The following DAP variants were observed in gnomAD, a reference collection of about 807,000 sequenced individuals.
DAP encodes death-associated protein 1.
In DAP, 8 loss-of-function variants were observed where a neutral mutation model predicts 13.8. The ratio of observed to expected loss-of-function variants is 0.58; its 90% confidence interval spans 0.34 to 1.05. The LOEUF is 1.05. Among genes scored for constraint, DAP ranks in the 50% least tolerant of loss-of-function variants. The pLI, the probability that DAP is intolerant of heterozygous loss-of-function variation, is 0.03. For missense variants in DAP, 106 were observed against 133.2 expected (o/e 0.80, Z 1.01); for synonymous variants, 47 against 47.5 (o/e 0.99, Z 0.04).
At chr5:10,723,024 C>T (rs1395685007) in intron 2 of DAP, among the ~76,000 whole-genome samples, 1 of 152,218 alleles carries the variant, frequency 6.6e-6, no homozygotes, top group East Asian at 1.9e-4. Context: ...TTAGAAGGGA[C>T]AGCCATCTTT....
intron 3 of DAP, chr5:10,683,017 AG>A (rs1203075773): frequency 1.6e-5 from 3 of 183,454 alleles, no homozygotes; most frequent in Admixed American, 6.3e-5. Context: ...TATTTTCCAG[AG>A]GGATCAATGG....
At chr5:10,741,994 T>C (rs1739767980) in intron 2 of DAP, among the ~76,000 whole-genome samples, 1 of 152,276 alleles carries the variant, frequency 6.6e-6, no homozygotes, top group Non-Finnish European at 1.5e-5. Flanking sequence ...AATATCCTGT[T>C]GACTACGTAA....
intron 2 of DAP, among the ~76,000 whole-genome samples, chr5:10,740,633 C>A (rs1001206660): frequency 1.3e-5 from 2 of 152,124 alleles, no homozygotes; most frequent in Admixed American, 6.5e-5. Context: ...AAATGGAATG[C>A]CGTGTTTAAC....
At chr5:10,750,417 C>A (rs769298624) in intron 1 of DAP, among the ~76,000 whole-genome samples, 7 of 152,256 alleles carry the variant, frequency 4.6e-5, no homozygotes, top group Non-Finnish European at 8.8e-5. Context: ...CAAAAGAGAG[C>A]AAGGAAAATG....
intron 2 of DAP, among the ~76,000 whole-genome samples, chr5:10,684,174 T>C (rs1442355563): frequency 6.6e-6 from 1 of 152,200 alleles, no homozygotes; most frequent in African/African-American, 2.4e-5. Context: ...GGCAAGCCCA[T>C]TTATTTGGAT....
At position 10,720,436 on chromosome 5, in the gene DAP, T is replaced by C. The variant is rs1190440148; in HGVS notation, c.152+27739A>G. On this transcript the variant is annotated intron_variant, in intron 2 of 3. Transcript: ENST00000230895. ...GACTTCTCTCAGTGGTCAAAAACTG[T>C]GAAGATATTTGTATCCCCTGTGAGT... 3.9e-5 allele frequency among the ~76,000 whole-genome samples: 6 copies of C among 152,210 alleles called. 1 individual carries two copies. In the South Asian group the frequency reaches 8.3e-4, roughly 21 times the overall value.
intron 1 of DAP, 101 bp from the exon 2 acceptor site, chr5:10,748,372 T>G (rs1282376280): frequency 1.0e-5 from 9 of 873,750 alleles, no homozygotes; most frequent in Non-Finnish European, 1.7e-5. Flanking sequence ...TGGCCACAAG[T>G]CAGTCTGGAG....
At chr5:10,720,563 T>TCATC (rs1216275850) in intron 2 of DAP, among the ~76,000 whole-genome samples, 1 of 152,216 alleles carries the variant, frequency 6.6e-6, no homozygotes, top group African/African-American at 2.4e-5. Context: ...CAGCCACATG[T>TCATC]CATCGCCCAA....
At chr5:10,759,494 T>TC (rs1191374996) in intron 1 of DAP, among the ~76,000 whole-genome samples, 3 of 152,070 alleles carry the variant, frequency 2.0e-5, no homozygotes, top group Non-Finnish European at 4.4e-5. Flanking sequence ...CAACACAAAT[T>TC]CCCCCAAAAC....
chr5:10,756,305 T>C lies in DAP; in HGVS notation c.55+4709A>G, dbSNP rs137908905. Among the ~76,000 whole-genome samples, 946 of 101,068 alleles carry C rather than the reference T, an allele frequency of 9.4e-3. 183 individuals carry two copies. The highest frequency in any genetic ancestry group is 0.036 in the African/African-American group (874 of 24,336). The allele number at this position is 101,068 out of a possible 152,430, so 66.3% of individuals were successfully genotyped here. On this transcript the variant is annotated intron_variant, in intron 1 of 3. Coordinates refer to ENST00000230895, the MANE Select transcript of DAP (RefSeq NM_004394.3). ...CCATTCAATTTCTGGTCCTGACTGG[T>C]TGACACTGGGACTATGCTTAGCAAA...
chr5:10,690,741 C>T (rs768947207), intron 2 of DAP, among the ~76,000 whole-genome samples: 3 of 152,166 alleles, frequency 2.0e-5, no homozygotes, highest in South Asian at 2.1e-4. Flanking sequence ...CAGCTATGGA[C>T]GTGGGTGTAT....
At chr5:10,714,892 G>C (rs965618628) in intron 2 of DAP, among the ~76,000 whole-genome samples, 1 of 152,132 alleles carries the variant, frequency 6.6e-6, no homozygotes, top group Non-Finnish European at 1.5e-5. Context: ...CTGATTGGAA[G>C]CTCCCTGAGG....
chr5:10,690,294 A>G (rs1579785898), intron 2 of DAP, among the ~76,000 whole-genome samples: 1 of 151,856 alleles, frequency 6.6e-6, no homozygotes, highest in African/African-American at 2.4e-5. Context: ...TCGCTTTGAA[A>G]CCCCAGCCAG....
intron 2 of DAP, among the ~76,000 whole-genome samples, chr5:10,685,911 C>G (rs999703201): frequency 1.3e-5 from 2 of 151,258 alleles, no homozygotes; most frequent in African/African-American, 4.9e-5. Context: ...TATATAAACA[C>G]CCTCCCCTCT....
At chr5:10,736,818 T>G (rs5745205) in intron 2 of DAP, among the ~76,000 whole-genome samples, 5 of 152,342 alleles carry the variant, frequency 3.3e-5, no homozygotes, top group East Asian at 1.9e-4. Flanking sequence ...CTTTTTATTC[T>G]GAGGGTCTTG....
intron 2 of DAP, among the ~76,000 whole-genome samples, chr5:10,711,372 C>T (rs1423345116): frequency 2.0e-5 from 3 of 152,212 alleles, no homozygotes; most frequent in Non-Finnish European, 4.4e-5. Context: ...CTATGAAGGC[C>T]AGCCTCAGAC....
intron 1 of DAP, among the ~76,000 whole-genome samples, chr5:10,758,669 C>T (rs906065361): frequency 7.9e-5 from 12 of 152,274 alleles, no homozygotes; most frequent in Admixed American, 6.5e-4. Context: ...TGCCCCGAGG[C>T]CCAAACCTCG....
intron 1 of DAP, among the ~76,000 whole-genome samples, chr5:10,750,179 T>G (rs920450168): frequency 1.3e-5 from 2 of 152,130 alleles, no homozygotes; most frequent in Non-Finnish European, 2.9e-5. Context: ...CCATGTCCTC[T>G]GGCATTTTAA....
intron 2 of DAP, among the ~76,000 whole-genome samples, chr5:10,715,841 T>C (rs893880197): frequency 2.6e-5 from 4 of 152,240 alleles, no homozygotes; most frequent in African/African-American, 4.8e-5. Flanking sequence ...CTGAGGTATT[T>C]ATTGCTTTCT....
Sources: gnomAD v4.1 joint callset for allele counts (sites outside exome capture counted in the v4.1 genomes callset) on GRCh38, gnomAD v4.1.1 for gene constraint, MANE v1.5 for transcripts, NCBI Gene and HGNC (gene_info 2026-07-23, HGNC 2026-07-21) for gene names.